MAST4: variants seen among roughly 807,000 people sequenced by gnomAD.
MAST4 encodes microtubule associated serine/threonine kinase family member 4.
MAST4 carries 89 observed loss-of-function variants against 162.7 expected under a neutral mutation model. The ratio of observed to expected loss-of-function variants is 0.55; its 90% confidence interval spans 0.46 to 0.65. The LOEUF is 0.65. Among genes scored for constraint, MAST4 ranks in the 30% least tolerant of loss-of-function variants. MAST4 has a pLI of 0.00. For missense variants in MAST4, 3,153 were observed against 3,374.0 expected (o/e 0.93, Z 1.62); for synonymous variants, 1,479 against 1,361.1 (o/e 1.09, Z -1.91).
At chr5:66,941,909 C>T (rs1485391050) in intron 4 of MAST4, among the ~76,000 whole-genome samples, 1 of 152,058 alleles carries the variant, frequency 6.6e-6, no homozygotes, top group Non-Finnish European at 1.5e-5. Flanking sequence ...GGGGGAACGG[C>T]TGGTCGATCA....
chr5:66,755,960 C>T (rs1753511662), intron 1 of MAST4, among the ~76,000 whole-genome samples: 2 of 152,174 alleles, frequency 1.3e-5, no homozygotes, highest in Non-Finnish European at 2.9e-5. Flanking sequence ...GCAGTAAATA[C>T]AGAAAATCTA....
At chr5:66,698,895 C>T (rs1046268549) in intron 1 of MAST4, among the ~76,000 whole-genome samples, 2 of 152,206 alleles carry the variant, frequency 1.3e-5, no homozygotes, top group African/African-American at 2.4e-5. Context: ...CTGTGGGACA[C>T]CCCCGTTCTC....
At position 67,141,974 on chromosome 5, in the gene MAST4, G is replaced by A; in HGVS notation, c.2495-141G>A. The A allele has an allele frequency of 2.2e-6, 2 of 899,120 alleles. 1 individual carries two copies. 55.7% of individuals were successfully genotyped at this position (899,120 alleles called of 1,614,324 possible). On this transcript the variant is annotated intron_variant, in intron 19 of 28. Transcript: ENST00000403625. The stretch of plus-strand genomic sequence containing the variant: ...CAGAAAAACTTGTGGGGCTTTGGTT[G>A]TAGAATGAAAAAGTATGATTTTCAT...
rs566635211 is a variant in MAST4 at position 66,905,662 on chromosome 5, A to G, written c.674+5680A>G. ...CCAAGGTGGTCAGGTTACACTTGGCATCATGCATTTTCAGGAAATATAAGA... is the reference window on the plus strand; with the variant it reads ...CCAAGGTGGTCAGGTTACACTTGGCGTCATGCATTTTCAGGAAATATAAGA... On this transcript the variant is annotated intron_variant, in intron 4 of 28. Transcript: ENST00000403625. 3.9e-5 allele frequency among the ~76,000 whole-genome samples: 6 copies of G among 152,324 alleles called. No individual in the cohort carries two copies. In the East Asian group the frequency reaches 9.7e-4, roughly 25 times the overall value.
intron 1 of MAST4, among the ~76,000 whole-genome samples, chr5:66,713,750 A>T (rs776283650): frequency 1.8e-4 from 27 of 152,118 alleles, no homozygotes; most frequent in Non-Finnish European, 2.8e-4. Context: ...TCTTTCCGCA[A>T]TGGCTGGTGA....
intron 1 of MAST4, among the ~76,000 whole-genome samples, chr5:66,677,817 C>T (rs1036160665): frequency 6.6e-6 from 1 of 151,950 alleles, no homozygotes. Flanking sequence ...AGGTGGTGGG[C>T]CTGGAGATGG....
chr5:66,899,528 A>ATAG (rs1001983765), intron 3 of MAST4, among the ~76,000 whole-genome samples: 4 of 152,200 alleles, frequency 2.6e-5, no homozygotes, highest in African/African-American at 9.6e-5. Flanking sequence ...TTGAGGGCAA[A>ATAG]TAGTTTGATT....
chr5:66,977,570 A>C (rs1278160682), intron 4 of MAST4, among the ~76,000 whole-genome samples: 1 of 152,144 alleles, frequency 6.6e-6, no homozygotes, highest in African/African-American at 2.4e-5. Flanking sequence ...GATCTTGTTT[A>C]TTCAGTTTAT....
chr5:66,952,873 C>T (rs1196060738), intron 4 of MAST4, among the ~76,000 whole-genome samples: 1 of 152,180 alleles, frequency 6.6e-6, no homozygotes, highest in Non-Finnish European at 1.5e-5. Context: ...CCCTGACCCA[C>T]TGCCCATCAT....
At chr5:66,608,054 A>AC (rs1743009496) in intron 1 of MAST4, among the ~76,000 whole-genome samples, 1 of 145,376 alleles carries the variant, frequency 6.9e-6, no homozygotes, top group African/African-American at 2.5e-5. Flanking sequence ...TCACATGCTT[A>AC]CTTTTTTTTT....
intron 4 of MAST4, among the ~76,000 whole-genome samples, chr5:67,026,635 A>G (rs1174168147): frequency 7.1e-6 from 1 of 141,386 alleles, no homozygotes; most frequent in African/African-American, 2.8e-5. Flanking sequence ...ATGGATCAAT[A>G]CATTTTATTG....
intron 1 of MAST4, among the ~76,000 whole-genome samples, chr5:66,600,301 G>A (rs574409343): frequency 6.6e-5 from 10 of 152,300 alleles, no homozygotes; most frequent in Admixed American, 3.9e-4. Context: ...TTTGGGGTCC[G>A]TGTGTGTTGA....
intron 3 of MAST4, among the ~76,000 whole-genome samples, chr5:66,819,005 C>A (rs377396732): frequency 1.3e-4 from 20 of 152,238 alleles, no homozygotes; most frequent in Admixed American, 4.6e-4. Flanking sequence ...TTAAGGGATG[C>A]TAGAAGACGG....
At chr5:66,725,993 A>G (rs1411743860) in intron 1 of MAST4, among the ~76,000 whole-genome samples, 1 of 152,118 alleles carries the variant, frequency 6.6e-6, no homozygotes, top group Non-Finnish European at 1.5e-5. Flanking sequence ...CACACAAACT[A>G]GATAATAAGT....
In MAST4 at chr5:67,166,106, C is replaced by A. The variant is rs1206145568; in HGVS notation, c.6927C>A (p.His2309Gln). The part of the protein sequence containing the change: ...EKPVHLPRPG[H>Q]PGPSEPADQK... ...CTGTGCATTTGCCAAGGCCGGGACA[C>A]CCAGGGCCTAGTGAGCCAGCGGACC... The change falls in exon 29 of 29, where the codon CAC becomes CAA. Residue 2309 changes from histidine to glutamine, a missense_variant. Transcript: ENST00000403625. 3.7e-6 allele frequency: 6 copies of A among 1,611,128 alleles called. No individual in the cohort carries two copies. Among genetic ancestry groups the A allele is most frequent in the Non-Finnish European group, 5.1e-6 (6 of 1,178,586 alleles).
chr5:66,882,395 G>C (rs999742549), intron 3 of MAST4, among the ~76,000 whole-genome samples: 1 of 152,062 alleles, frequency 6.6e-6, no homozygotes, highest in Non-Finnish European at 1.5e-5. Flanking sequence ...TTGTCCCACA[G>C]ATCTTAGGCG....
In MAST4 at chr5:67,092,864, G is replaced by C. The variant is rs550580667; in HGVS notation, c.833+2633G>C. On this transcript the variant is annotated intron_variant, in intron 6 of 28. Transcript: ENST00000403625. ...CTGGTTGTCATTTCCAGATGATCCT[G>C]TTTTTCCTGCTCCCTTTCTGTTTTT... Among the ~76,000 whole-genome samples, 26 of 152,230 alleles carry C rather than the reference G, an allele frequency of 1.7e-4. No homozygotes were observed. In the South Asian group the frequency reaches 5.4e-3, roughly 32 times the overall value.
chr5:66,923,285 G>C (rs1484794508), intron 4 of MAST4, among the ~76,000 whole-genome samples: 3 of 152,144 alleles, frequency 2.0e-5, no homozygotes, highest in African/African-American at 7.2e-5. Context: ...AGAAACGCTG[G>C]GTATTTAAAG....
intron 4 of MAST4, among the ~76,000 whole-genome samples, chr5:66,909,970 G>T (rs556945954): frequency 6.6e-6 from 1 of 152,296 alleles, no homozygotes; most frequent in African/African-American, 2.4e-5. Context: ...GGACTCTCGA[G>T]CCATGTGGAC....
Sources: gnomAD v4.1 joint callset for allele counts (sites outside exome capture counted in the v4.1 genomes callset) on GRCh38, gnomAD v4.1.1 for gene constraint, MANE v1.5 for transcripts, NCBI Gene and HGNC (gene_info 2026-07-23, HGNC 2026-07-21) for gene names.